The following FER variants were observed in gnomAD, a reference collection of about 807,000 sequenced individuals.
FER encodes tyrosine-protein kinase Fer.
In FER, 63 loss-of-function variants were observed where a neutral mutation model predicts 111.0. The observed-to-expected ratio is 0.57, with a 90% confidence interval of 0.46 to 0.70. The LOEUF (loss-of-function observed/expected upper bound fraction) is 0.70, where lower values mean the gene tolerates loss of function less well. Ranked by LOEUF, FER falls within the 30% of genes least tolerant of loss-of-function variation. The pLI is 0.00. For missense variants in FER, 914 were observed against 954.0 expected (o/e 0.96, Z 0.55); for synonymous variants, 327 against 313.9 (o/e 1.04, Z -0.44).
At chr5:108,991,063 A>G (rs1459782006) in intron 13 of FER, among the ~76,000 whole-genome samples, 1 of 151,454 alleles carries the variant, frequency 6.6e-6, no homozygotes, top group Non-Finnish European at 1.5e-5. Flanking sequence ...ATACACACAT[A>G]TATACAAATA....
chr5:108,960,240 A>AAAAAC (rs1758963129), intron 13 of FER, among the ~76,000 whole-genome samples: 1 of 152,296 alleles, frequency 6.6e-6, no homozygotes, highest in South Asian at 2.1e-4. Flanking sequence ...TGGAAATTTA[A>AAAAAC]AAAACAAGTA....
At chr5:108,873,598 G>A (rs987119185) in intron 8 of FER, among the ~76,000 whole-genome samples, 2 of 152,200 alleles carry the variant, frequency 1.3e-5, no homozygotes, top group Admixed American at 6.5e-5. Context: ...GCATTACAGA[G>A]TTTTTCCTAG....
At chr5:108,804,715 G>A (rs1163802111) in intron 3 of FER, among the ~76,000 whole-genome samples, 1 of 152,104 alleles carries the variant, frequency 6.6e-6, no homozygotes, top group African/African-American at 2.4e-5. Context: ...ATTTTTTGAT[G>A]TGTTGCTTGA....
chr5:108,894,980 T>G (rs1748849683), intron 9 of FER, among the ~76,000 whole-genome samples: 1 of 152,182 alleles, frequency 6.6e-6, no homozygotes, highest in South Asian at 2.1e-4. Context: ...TATCGGGCTA[T>G]TCAGGTTCCC....
intron 13 of FER, among the ~76,000 whole-genome samples, chr5:108,984,363 A>C (rs1390761785): frequency 6.6e-6 from 1 of 152,112 alleles, no homozygotes; most frequent in African/African-American, 2.4e-5. Context: ...TAAATATAAA[A>C]ATTGTATAAA....
intron 13 of FER, among the ~76,000 whole-genome samples, chr5:108,982,811 T>C (rs189741324): frequency 1.3e-5 from 2 of 152,194 alleles, no homozygotes; most frequent in Non-Finnish European, 2.9e-5. Flanking sequence ...CTACACACTT[T>C]AGTTTTCCTT....
intron 10 of FER, among the ~76,000 whole-genome samples, chr5:108,922,304 A>T (rs1254837705): frequency 6.6e-6 from 1 of 152,188 alleles, no homozygotes; most frequent in African/African-American, 2.4e-5. Flanking sequence ...TTAGTACAAC[A>T]TCTGTTGTGA....
chr5:109,180,046 G>GTA (rs1758127283), intron 17 of FER, among the ~76,000 whole-genome samples: 1 of 152,186 alleles, frequency 6.6e-6, no homozygotes, highest in African/African-American at 2.4e-5. Context: ...AGTGCAAAGG[G>GTA]TATACAGTGC....
At position 109,002,094 on chromosome 5, in the gene FER, A is replaced by C. The variant is rs576132229; in HGVS notation, c.1657-35328A>C. On this transcript the variant is annotated intron_variant, in intron 13 of 19. Transcript: ENST00000281092. ...TGCCATCCCCATCAAGCTACCAATGACTTTCTTCACAGAATTGGAAAAAAC... is the reference window on the plus strand; with the variant it reads ...TGCCATCCCCATCAAGCTACCAATGCCTTTCTTCACAGAATTGGAAAAAAC... Among the ~76,000 whole-genome samples the C allele has an allele frequency of 6.0e-3, 904 of 151,246 alleles. 5 individuals are homozygous for C. The highest frequency in any genetic ancestry group is 0.021 in the African/African-American group (854 of 41,134).
At chr5:108,846,616 T>C (rs1002182406) in intron 5 of FER, among the ~76,000 whole-genome samples, 37 of 152,254 alleles carry the variant, frequency 2.4e-4, no homozygotes, top group African/African-American at 8.7e-4. Context: ...ACAGTCTTGC[T>C]CTGTCACCCA....
chr5:108,973,216 A>C (rs975144961), intron 13 of FER, among the ~76,000 whole-genome samples: 3 of 152,170 alleles, frequency 2.0e-5, no homozygotes, highest in Non-Finnish European at 4.4e-5. Context: ...CACTTTAAAA[A>C]ACACCATTTA....
chr5:108,838,133 A>C (rs941267655), intron 5 of FER, among the ~76,000 whole-genome samples: 1 of 152,090 alleles, frequency 6.6e-6, no homozygotes, highest in Non-Finnish European at 1.5e-5. Flanking sequence ...TTTATGTTTC[A>C]AACTGCTTCT....
At chr5:108,841,886 G>A in intron 5 of FER, 1 of 381,310 alleles carries the variant, frequency 2.6e-6, no homozygotes, top group Non-Finnish European at 5.1e-6. Flanking sequence ...CCTGGGATTT[G>A]TAAGGATTAG....
chr5:109,024,010 C>G (rs564654230), intron 13 of FER, among the ~76,000 whole-genome samples: 2 of 152,160 alleles, frequency 1.3e-5, no homozygotes, highest in South Asian at 4.1e-4. Flanking sequence ...TAGAACCACC[C>G]TATATAGTAG....
chr5:109,012,807 T>A (rs1015804042), intron 13 of FER, among the ~76,000 whole-genome samples: 1 of 151,802 alleles, frequency 6.6e-6, no homozygotes, highest in Non-Finnish European at 1.5e-5. Flanking sequence ...GAAAAAAAAA[T>A]CAATGACTAT....
chr5:109,100,620 G>A, intron 17 of FER, 101 bp downstream of exon 17: 1 of 1,188,398 alleles, frequency 8.4e-7, no homozygotes, highest in South Asian at 1.5e-5. Flanking sequence ...CATGAAACAT[G>A]TCTTTTCTTG....
chr5:108,825,250 G>T (rs1759331797), intron 3 of FER, among the ~76,000 whole-genome samples: 1 of 152,128 alleles, frequency 6.6e-6, no homozygotes, highest in East Asian at 1.9e-4. Context: ...GAGCGCTATG[G>T]GAGACTGGAG....
chr5:108,751,914 T>C (rs1485454998), intron 1 of FER, among the ~76,000 whole-genome samples: 1 of 152,170 alleles, frequency 6.6e-6, no homozygotes, highest in African/African-American at 2.4e-5. Flanking sequence ...TTTTTAAGTA[T>C]TTGAATCTTG....
chr5:108,976,590 C>T (rs1434409937), intron 13 of FER, among the ~76,000 whole-genome samples: 1 of 152,154 alleles, frequency 6.6e-6, no homozygotes, highest in Non-Finnish European at 1.5e-5. Context: ...TTCCCAGAAA[C>T]AACTACTAAT....
Sources: gnomAD v4.1 joint callset for allele counts (sites outside exome capture counted in the v4.1 genomes callset) on GRCh38, gnomAD v4.1.1 for gene constraint, MANE v1.5 for transcripts, NCBI Gene and HGNC (gene_info 2026-07-23, HGNC 2026-07-21) for gene names.